INTS12: variants seen among roughly 807,000 people sequenced by gnomAD.
The protein encoded by INTS12 is integrator complex subunit 12.
Under a neutral mutation model 41.6 loss-of-function variants are expected in INTS12, and 13 were observed. The ratio of observed to expected loss-of-function variants is 0.31; its 90% CI spans 0.20 to 0.50. INTS12 has a LOEUF of 0.50. INTS12 is among the 20% of genes least tolerant of loss of function. The pLI is 0.98. For synonymous variants in INTS12, 199 were observed against 191.4 expected (o/e 1.04, Z -0.33); for missense variants, 432 against 541.6 (o/e 0.80, Z 2.01).
At chr4:105,697,321 C>A (rs1731901738) in intron 3 of INTS12, among the ~76,000 whole-genome samples, 1 of 152,156 alleles carries the variant, frequency 6.6e-6, no homozygotes, top group Admixed American at 6.5e-5. Context: ...ACTAAGGCAG[C>A]TGAGTGCAGT....
chr4:105,686,084 T>C (rs28628106), intron 7 of INTS12, among the ~76,000 whole-genome samples: 58,906 of 152,046 alleles, frequency 0.39, 16,850 homozygotes, highest in African/African-American at 0.81. Context: ...TTTTTTGAGT[T>C]GCAGTTTCGC....
At chr4:105,700,093 A>G in intron 2 of INTS12, 79 bp from the exon 3 acceptor site, 1 of 975,686 alleles carries the variant, frequency 1.0e-6, no homozygotes, top group South Asian at 2.7e-5. Flanking sequence ...CTGTTTTTTA[A>G]TTTGTAATAG....
Position 105,695,575 on chromosome 4 carries a change from CATT to C in INTS12, c.247_249del (p.Asn83del). On this transcript the variant is annotated inframe_deletion, in exon 4 of 8. Coordinates refer to ENST00000340139, the MANE Select transcript of INTS12 (RefSeq NM_020395.4). ...ACCTTTTCAGTTGTGAGGACCTTGC[CATT>C]ATTATTACCAGAAGGAAGACTGGAT... 6.2e-7 allele frequency: 1 copy of C among 1,612,752 alleles called. No homozygotes were observed. The highest frequency in any genetic ancestry group is 2.2e-5 in the East Asian group (1 of 44,750).
chr4:105,700,277 C>A, intron 2 of INTS12: 1 of 211,196 alleles, frequency 4.7e-6, no homozygotes, highest in Admixed American at 5.8e-5. Flanking sequence ...TCCAGGTAGG[C>A]CTCTCCCTGC....
chr4:105,691,539 C>A (rs1731684753), intron 6 of INTS12, among the ~76,000 whole-genome samples: 1 of 152,202 alleles, frequency 6.6e-6, no homozygotes, highest in African/African-American at 2.4e-5. Flanking sequence ...CAGATATGCA[C>A]ATATAAATAT....
rs368347244 is a variant in INTS12, at chr4:105,691,963, A to C, written c.657+13T>G. 6.6e-7 allele frequency: 1 copy of C among 1,506,914 alleles called. No individual in the cohort carries two copies. The highest frequency in any genetic ancestry group is 1.4e-5 in the African/African-American group (1 of 70,876). 93.3% of individuals were successfully genotyped at this position (1,506,914 alleles called of 1,614,324 possible). A position where few individuals can be genotyped will look rare whatever the true frequency, so the allele number is the denominator to read the frequency against. On this transcript the variant is annotated intron_variant, in intron 6 of 7. Transcript: ENST00000340139. ...GACAGACTGTTTAAAATAAAGAAAA[A>C]TATGATTCCTACCATTCTTTTCATT...
chr4:105,704,254 G>A (rs1467314560), intron 1 of INTS12, among the ~76,000 whole-genome samples: 2 of 152,182 alleles, frequency 1.3e-5, no homozygotes, highest in Admixed American at 6.5e-5. Flanking sequence ...TAATACATAC[G>A]ATTGTCCCTC....
At chr4:105,702,294 C>T (rs1186283919) in intron 2 of INTS12, among the ~76,000 whole-genome samples, 1 of 151,812 alleles carries the variant, frequency 6.6e-6, no homozygotes, top group Non-Finnish European at 1.5e-5. Context: ...CGCCACCACA[C>T]CCGGCTAATT....
chr4:105,696,937 C>A (rs951392455), intron 3 of INTS12, among the ~76,000 whole-genome samples: 3 of 152,066 alleles, frequency 2.0e-5, no homozygotes, highest in Admixed American at 2.0e-4. Flanking sequence ...TTAAATTTCC[C>A]CAGTAACTAA....
At chr4:105,703,300 C>A (rs1732147531) in intron 2 of INTS12, among the ~76,000 whole-genome samples, 1 of 152,124 alleles carries the variant, frequency 6.6e-6, no homozygotes, top group Non-Finnish European at 1.5e-5. Context: ...TTAATATTTA[C>A]CACTTTAAAG....
At chr4:105,704,900 A>G (rs1373581225) in intron 1 of INTS12, among the ~76,000 whole-genome samples, 1 of 152,050 alleles carries the variant, frequency 6.6e-6, no homozygotes, top group Non-Finnish European at 1.5e-5. Context: ...CCCTAGACCA[A>G]CCTAGCATCA....
intron 4 of INTS12, among the ~76,000 whole-genome samples, chr4:105,694,823 T>C (rs1286285079): frequency 1.3e-5 from 2 of 152,310 alleles, no homozygotes; most frequent in African/African-American, 4.8e-5. Flanking sequence ...CATCTAAAAA[T>C]AGACAATCCA....
intron 1 of INTS12, among the ~76,000 whole-genome samples, chr4:105,706,736 C>A (rs1732278347): frequency 6.6e-6 from 1 of 152,080 alleles, no homozygotes; most frequent in Non-Finnish European, 1.5e-5. Flanking sequence ...CTTTCCTTCA[C>A]TGAGTCTTTC....
At position 105,695,588 on chromosome 4, in the gene INTS12, A is replaced by AGAAG; in HGVS notation, c.233_236dup (p.Gly80PhefsTer3). The AGAAG allele has an allele frequency of 6.2e-7, 1 of 1,613,298 alleles. No homozygotes were observed. Among genetic ancestry groups the AGAAG allele is most frequent in the Non-Finnish European group, 8.5e-7 (1 of 1,179,622 alleles). ...TGAGGACCTTGCCATTATTATTACC[A>AGAAG]GAAGGAAGACTGGATGATATTTTGG... On this transcript the variant is annotated frameshift_variant, in exon 4 of 8. Coordinates refer to ENST00000340139, the MANE Select transcript of INTS12 (RefSeq NM_020395.4). LOFTEE classifies it high-confidence loss of function.
rs766039357 is a variant in INTS12 at position 105,695,660 on chromosome 4, C to T, written c.165G>A (p.Glu55=). ...SSYRPSQKDV[E]PPKISSTKNI... Reference sequence around the variant, plus strand: ...TTTTTGTGCTTGAAATTTTGGGTGGCTCCACATCCTAAAAGATGAAAAAAG... The same window carrying T: ...TTTTTGTGCTTGAAATTTTGGGTGGTTCCACATCCTAAAAGATGAAAAAAG... The change falls in exon 4 of 8, where the codon GAG becomes GAA. Residue 55 remains glutamate (E), a synonymous_variant. Transcript: ENST00000340139. 1.4e-5 allele frequency: 23 copies of T among 1,610,944 alleles called. 1 individual carries two copies. In the South Asian group the frequency reaches 2.4e-4, roughly 17 times the overall value.
At chr4:105,684,639 C>T (rs2149176449) in intron 7 of INTS12, among the ~76,000 whole-genome samples, 1 of 152,098 alleles carries the variant, frequency 6.6e-6, no homozygotes. Context: ...CTTACAGTAA[C>T]ATATTAACTA....
At chr4:105,693,558 T>A in intron 4 of INTS12, 72 bp from the exon 5 acceptor site, 1 of 1,288,378 alleles carries the variant, frequency 7.8e-7, no homozygotes, top group Non-Finnish European at 1.1e-6. Flanking sequence ...GAAAGACGAG[T>A]GAGAAGGACA....
chr4:105,704,567 C>G (rs1483865825), intron 1 of INTS12, among the ~76,000 whole-genome samples: 1 of 152,182 alleles, frequency 6.6e-6, no homozygotes, highest in Non-Finnish European at 1.5e-5. Context: ...TCTATATAGT[C>G]TTTTGCCAGT....
At chr4:105,697,764 T>G (rs1317653974) in intron 3 of INTS12, among the ~76,000 whole-genome samples, 4 of 152,082 alleles carry the variant, frequency 2.6e-5, no homozygotes, top group Non-Finnish European at 4.4e-5. Context: ...TAAAAATGTG[T>G]GGTGGGCAGG....
Sources: allele counts gnomAD v4.1 joint callset (sites outside exome capture counted in the v4.1 genomes callset), GRCh38; gene constraint gnomAD v4.1.1; transcripts MANE v1.5; gene names NCBI Gene and HGNC (gene_info 2026-07-23, HGNC 2026-07-21).